The following DNAH12 variants were observed in gnomAD, a reference collection of about 807,000 sequenced individuals.
The protein encoded by DNAH12 is dynein axonemal heavy chain 12, also known as axonemal beta dynein heavy chain 12.
Under a neutral mutation model 371.5 loss-of-function variants are expected in DNAH12, and 285 were observed. That is an observed-to-expected ratio of 0.77 (90% CI 0.70 to 0.85). DNAH12 has a LOEUF of 0.85. Among genes scored for constraint, DNAH12 ranks in the 40% least tolerant of loss-of-function variants. The probability of loss-of-function intolerance (pLI) is 0.00; values close to 1 mark genes in which losing one functional copy is unlikely to be tolerated. For synonymous variants in DNAH12, 1,200 were observed against 1,213.0 expected (o/e 0.99, Z 0.22); for missense variants, 3,611 against 3,689.4 (o/e 0.98, Z 0.55).
At chr3:57,311,676 A>G (rs993779985) in intron 66 of DNAH12, among the ~76,000 whole-genome samples, 15 of 152,198 alleles carry the variant, frequency 9.9e-5, no homozygotes, top group African/African-American at 3.6e-4. Context: ...GACAATACAC[A>G]GGAGAGCTGC....
At chr3:57,456,110 G>T (rs959122984) in intron 22 of DNAH12, among the ~76,000 whole-genome samples, 9 of 152,156 alleles carry the variant, frequency 5.9e-5, no homozygotes, top group Non-Finnish European at 1.3e-4. Context: ...TTCAAAGAAG[G>T]ATGAATGGTG....
intron 13 of DNAH12, among the ~76,000 whole-genome samples, chr3:57,477,124 G>C (rs1489243571): frequency 6.6e-6 from 1 of 152,132 alleles, no homozygotes; most frequent in African/African-American, 2.4e-5. Flanking sequence ...AGCAGGGTGA[G>C]GCATCGCCTC....
intron 62 of DNAH12, among the ~76,000 whole-genome samples, chr3:57,331,727 A>T (rs2062101246): frequency 6.7e-6 from 1 of 148,326 alleles, no homozygotes; most frequent in Non-Finnish European, 1.5e-5. Context: ...CTTACTGGTA[A>T]AGATTCTTTC....
intron 30 of DNAH12, among the ~76,000 whole-genome samples, chr3:57,435,009 C>G (rs1397898721): frequency 6.6e-6 from 1 of 152,096 alleles, no homozygotes; most frequent in African/African-American, 2.4e-5. Context: ...AAACAAAAAT[C>G]TATTAAAACT....
rs1442346911 is a variant in DNAH12 at position 57,468,880 on chromosome 3, T to G, written c.2205A>C (p.Gln735His). 1.3e-6 allele frequency: 2 copies of G among 1,528,822 alleles called. No individual in the cohort carries two copies. The highest frequency in any genetic ancestry group is 1.8e-6 in the Non-Finnish European group (2 of 1,141,794). The allele number at this position is 1,528,822 out of a possible 1,614,324, so 94.7% of individuals were successfully genotyped here. A position where few individuals can be genotyped will look rare whatever the true frequency, so the allele number is the denominator to read the frequency against. The change falls in exon 17 of 74, where the codon CAA (glutamine) becomes CAC (histidine). Residue 735 changes from glutamine (Q) to histidine (H), a missense_variant. By Grantham distance (24) the Gln-to-His change is conservative. Coordinates refer to ENST00000495027, the MANE Select transcript of DNAH12 (RefSeq NM_001366028.2). ...CTTGTAATTCTTTCTTTAGCTTCGT[T>G]TGGAAAAATTTTAGTGTCTTAAAAA... ...REIFKTLKFF[Q>H]TKLKKELQEK... is the part of the protein sequence containing the mutation.
chr3:57,305,184 C>A (rs1294988516), intron 69 of DNAH12, among the ~76,000 whole-genome samples: 1 of 152,160 alleles, frequency 6.6e-6, no homozygotes, highest in African/African-American at 2.4e-5. Flanking sequence ...TCCAGGCATT[C>A]TTTTACACAT....
rs2063502633 is a variant in DNAH12, at chr3:57,386,540, G to A, written c.7503C>T (p.Gly2501=). 1 of 152,180 alleles carries A rather than the reference G, an allele frequency of 6.6e-6. No individual in the cohort carries two copies. The highest frequency in any genetic ancestry group is 2.4e-5 in the African/African-American group (1 of 41,452). The allele number at this position is 152,180 out of a possible 1,614,324, so 9.4% of individuals were successfully genotyped here. The part of the protein sequence containing the change: ...VTATSYLELI[G]SFRQLLTQKR... Reference sequence around the variant, plus strand: ...TCTGTGTCAAAAGCTGTCGAAATGAGCCAATGAGTTCAAGATAAGAAGTAG... The same window carrying A: ...TCTGTGTCAAAAGCTGTCGAAATGAACCAATGAGTTCAAGATAAGAAGTAG... Residue 2501 remains glycine, a synonymous_variant, in exon 47 of 74, where the codon GGC becomes GGT. Transcript: ENST00000495027.
intron 13 of DNAH12, 93 bp downstream of exon 13, chr3:57,483,283 T>C (rs2066812465): frequency 7.0e-7 from 1 of 1,437,216 alleles, no homozygotes. Context: ...AATTTACAGC[T>C]ATTTGTGTAA....
Position 57,468,734 on chromosome 3 carries a change from A to T in DNAH12, c.2349+2T>A. The T allele has an allele frequency of 7.1e-7, 1 of 1,402,058 alleles. No homozygotes were observed. Among genetic ancestry groups the T allele is most frequent in the Non-Finnish European group, 9.3e-7 (1 of 1,074,766 alleles). The allele number at this position is 1,402,058 out of a possible 1,614,324, so 86.9% of individuals were successfully genotyped here. On this transcript the variant is annotated splice_donor_variant, in intron 17 of 73. Transcript: ENST00000495027. LOFTEE classifies it high-confidence loss of function. ...TTAAAATGTTATTATATATATTTATACCTTAAAAGCTTTTATCTGTTCCAT... is the reference window on the plus strand; with the variant it reads ...TTAAAATGTTATTATATATATTTATTCCTTAAAAGCTTTTATCTGTTCCAT...
chr3:57,296,630 A>G (rs975635928), intron 71 of DNAH12, among the ~76,000 whole-genome samples, 195 bp from the exon 72 acceptor site: 8 of 152,242 alleles, frequency 5.3e-5, no homozygotes, highest in African/African-American at 1.7e-4. Flanking sequence ...ATCAGATTGT[A>G]CTGTACCTCA....
chr3:57,417,654 G>C (rs2064421522), intron 37 of DNAH12, among the ~76,000 whole-genome samples: 1 of 152,040 alleles, frequency 6.6e-6, no homozygotes, highest in Non-Finnish European at 1.5e-5. Flanking sequence ...GTCACCAGTA[G>C]AAATCATAGC....
intron 45 of DNAH12, among the ~76,000 whole-genome samples, chr3:57,390,424 A>AAAAATATATATATATAT: frequency 6.0e-5 from 2 of 33,428 alleles, no homozygotes; most frequent in Non-Finnish European, 7.0e-5. Flanking sequence ...AAAAAAAAAA[A>AAAAATATATATATATAT]ATATATATAT....
At chr3:57,373,179 G>T (rs1022376401) in intron 55 of DNAH12, among the ~76,000 whole-genome samples, 6 of 152,074 alleles carry the variant, frequency 3.9e-5, no homozygotes, top group African/African-American at 1.4e-4. Flanking sequence ...ACTCATGTTT[G>T]TTACTCTGGC....
At chr3:57,470,742 T>G in intron 15 of DNAH12, 106 bp from the exon 16 acceptor site, 1 of 1,032,232 alleles carries the variant, frequency 9.7e-7, no homozygotes, top group Non-Finnish European at 1.4e-6. Context: ...TACAACAAGT[T>G]TATTTTTAGG....
chr3:57,483,316 C>T, intron 13 of DNAH12, 60 bp downstream of exon 13: 1 of 1,515,410 alleles, frequency 6.6e-7, no homozygotes, highest in Admixed American at 2.2e-5. Flanking sequence ...TACATCTTCA[C>T]CATGAAAATA....
intron 23 of DNAH12, 67 bp from the exon 24 acceptor site, chr3:57,453,470 T>C (rs1283171535): frequency 1.5e-6 from 2 of 1,296,150 alleles, no homozygotes; most frequent in East Asian, 5.4e-5. Context: ...ATTTTATATA[T>C]TTAGTCTTTT....
chr3:57,546,242 CT>C (rs1290941139), upstream of DNAH12, among the ~76,000 whole-genome samples: 1 of 152,196 alleles, frequency 6.6e-6, no homozygotes, highest in Non-Finnish European at 1.5e-5. Context: ...TCAGGTCCCC[CT>C]CTCTGCTGGC....
intron 68 of DNAH12, 86 bp downstream of exon 68, chr3:57,309,577 CATA>C: frequency 8.1e-7 from 1 of 1,232,648 alleles, no homozygotes; most frequent in East Asian, 2.7e-5. Context: ...TGCTCAAGAT[CATA>C]ATGCTAGTAC....
At chr3:57,502,282 A>T in intron 10 of DNAH12, 41 bp downstream of exon 10, 1 of 1,605,606 alleles carries the variant, frequency 6.2e-7, no homozygotes, top group Non-Finnish European at 8.5e-7. Context: ...GCACAAATAA[A>T]GTGATGACAA....
Sources: allele counts gnomAD v4.1 joint callset (sites outside exome capture counted in the v4.1 genomes callset), GRCh38; gene constraint gnomAD v4.1.1; transcripts MANE v1.5; gene names NCBI Gene and HGNC (gene_info 2026-07-23, HGNC 2026-07-21).